The following NPL variants were observed in gnomAD, a reference collection of about 807,000 sequenced individuals.
NPL encodes the protein N-acetylneuraminate pyruvate lyase.
In NPL, 32 loss-of-function variants were observed where a neutral mutation model predicts 41.1. That is an observed-to-expected ratio of 0.78 (90% CI 0.59 to 1.05). The LOEUF (loss-of-function observed/expected upper bound fraction) is 1.05. NPL is among the 50% of genes least tolerant of loss of function. The pLI is 0.00. For synonymous variants in NPL, 128 were observed against 134.9 expected, an observed-to-expected ratio of 0.95 and a Z score of 0.35; for missense variants, 321 against 378.4, an observed-to-expected ratio of 0.85 and a Z score of 1.26.
intron 5 of NPL, among the ~76,000 whole-genome samples, chr1:182,808,902 G>A (rs937444997): frequency 6.7e-6 from 1 of 150,140 alleles, no homozygotes; most frequent in African/African-American, 2.5e-5. Flanking sequence ...AGAGGTTGCA[G>A]TGAGCCAAAA....
At chr1:182,826,182 A>T (rs1667626027) in intron 12 of NPL, 3 of 309,486 alleles carry the variant, frequency 9.7e-6, no homozygotes, top group Non-Finnish European at 1.8e-5. Flanking sequence ...GATTTTACTA[A>T]ATTGTGAATG....
intron 3 of NPL, among the ~76,000 whole-genome samples, chr1:182,799,656 G>A (rs1479799136): frequency 6.6e-6 from 1 of 150,686 alleles, no homozygotes; most frequent in South Asian, 2.1e-4. Flanking sequence ...CCAGTTACTT[G>A]GGAGGCTGAA....
At chr1:182,808,778 GACC>G (rs1667093687) in intron 5 of NPL, among the ~76,000 whole-genome samples, 1 of 151,900 alleles carries the variant, frequency 6.6e-6, no homozygotes, top group African/African-American at 2.4e-5. Flanking sequence ...AACATACAGA[GACC>G]CTGTCTCTAT....
At chr1:182,811,582 G>T (rs1338739086) in intron 5 of NPL, among the ~76,000 whole-genome samples, 1 of 152,022 alleles carries the variant, frequency 6.6e-6, no homozygotes, top group Non-Finnish European at 1.5e-5. Flanking sequence ...AGTGTTTTTT[G>T]TAAGCATGTA....
chr1:182,825,467 A>G (rs1284330472), intron 11 of NPL, among the ~76,000 whole-genome samples: 1 of 152,212 alleles, frequency 6.6e-6, no homozygotes, highest in African/African-American at 2.4e-5. Context: ...CCACTGCACT[A>G]GCTGATAAGT....
rs369230226 is a variant in NPL, at chr1:182,828,809, C to T, written c.864C>T (p.Ala288=). The change falls in exon 13 of 13, where the codon GCC becomes GCT. Residue 288 remains alanine, a synonymous_variant. Coordinates refer to ENST00000367553, the MANE Select transcript of NPL (RefSeq NM_030769.3). This position sits in a 1 kb window ranked among gnomAD's most constrained non-coding sequence, Gnocchi z 4.0. ...CACCCCGGCTTCCACTGCAGAAAGCCTCCAGGGAGTTTACTGATAGTGCTG... is the reference window on the plus strand; with the variant it reads ...CACCCCGGCTTCCACTGCAGAAAGCTTCCAGGGAGTTTACTGATAGTGCTG... ...MGPPRLPLQK[A]SREFTDSAEA... 1.2e-6 allele frequency: 2 copies of T among 1,614,218 alleles called. No individual in the cohort carries two copies. Among genetic ancestry groups the T allele is most frequent in the Non-Finnish European group, 1.7e-6 (2 of 1,180,036 alleles).
chr1:182,797,150 G>A (rs1191364990), intron 3 of NPL, among the ~76,000 whole-genome samples: 2 of 151,468 alleles, frequency 1.3e-5, no homozygotes, highest in African/African-American at 4.9e-5. Context: ...TGGGGATATT[G>A]TGGGGATCAC....
intron 12 of NPL, among the ~76,000 whole-genome samples, chr1:182,827,647 A>G (rs758276422): frequency 6.6e-6 from 1 of 151,562 alleles, no homozygotes; most frequent in African/African-American, 2.4e-5. Context: ...TTGTTGTTTT[A>G]TACTCTACTG....
chr1:182,808,758 C>G (rs1418127643), intron 5 of NPL, among the ~76,000 whole-genome samples: 1 of 151,930 alleles, frequency 6.6e-6, no homozygotes, highest in East Asian at 1.9e-4. Context: ...AGATCAGGAC[C>G]AGCCTGGACA....
intron 6 of NPL, among the ~76,000 whole-genome samples, chr1:182,814,095 G>C (rs1157402998): frequency 6.6e-6 from 1 of 152,206 alleles, no homozygotes; most frequent in Non-Finnish European, 1.5e-5. Context: ...CTGGTTCCTT[G>C]CTATGTGCCC....
intron 11 of NPL, among the ~76,000 whole-genome samples, chr1:182,822,566 A>G (rs567163207): frequency 6.6e-6 from 1 of 152,348 alleles, no homozygotes; most frequent in African/African-American, 2.4e-5. Context: ...ACAGAATATG[A>G]GGAAGCTATG....
intron 5 of NPL, among the ~76,000 whole-genome samples, chr1:182,808,289 C>T (rs12074307): frequency 0.082 from 12,432 of 152,190 alleles, 1,363 homozygotes; most frequent in African/African-American, 0.25. Context: ...TTCATTATAA[C>T]GTTTGTTATA....
intron 11 of NPL, among the ~76,000 whole-genome samples, chr1:182,823,513 T>C (rs1667545420): frequency 6.6e-6 from 1 of 152,108 alleles, no homozygotes; most frequent in African/African-American, 2.4e-5. Flanking sequence ...AGGAACAGGG[T>C]AGGGATCTAG....
chr1:182,798,620 G>A (rs536800579), intron 3 of NPL, among the ~76,000 whole-genome samples: 2 of 152,314 alleles, frequency 1.3e-5, no homozygotes, highest in East Asian at 3.9e-4. Context: ...GATCTAAAAT[G>A]TCGAGAAAAA....
intron 12 of NPL, chr1:182,827,018 A>G (rs1667648615): frequency 6.6e-6 from 1 of 152,250 alleles, no homozygotes; most frequent in South Asian, 2.1e-4. Flanking sequence ...TTATATAACT[A>G]TGGTCAGTCT....
chr1:182,808,698 T>C (rs2102546756), intron 5 of NPL, among the ~76,000 whole-genome samples: 1 of 152,266 alleles, frequency 6.6e-6, no homozygotes, highest in African/African-American at 2.4e-5. Context: ...CTCATGCCTG[T>C]AATCCCAGTA....
At chr1:182,792,498 T>G (rs1273028639) in intron 2 of NPL, among the ~76,000 whole-genome samples, 1 of 152,174 alleles carries the variant, frequency 6.6e-6, no homozygotes, top group Non-Finnish European at 1.5e-5. Flanking sequence ...ATGGCTTAGG[T>G]TATGGGCCTT....
At chr1:182,807,690 C>T (rs529255564) in intron 5 of NPL, among the ~76,000 whole-genome samples, 50 of 125,966 alleles carry the variant, frequency 4.0e-4, no homozygotes, top group Non-Finnish European at 6.6e-4. Flanking sequence ...TCCTGGCTAA[C>T]AGGATGAAAC....
At chr1:182,810,962 A>G (rs1667161240) in intron 5 of NPL, among the ~76,000 whole-genome samples, 1 of 152,194 alleles carries the variant, frequency 6.6e-6, no homozygotes, top group Admixed American at 6.6e-5. Context: ...ACTCTGGGAT[A>G]TAAGTTCTTA....
Sources: allele counts gnomAD v4.1 joint callset (sites outside exome capture counted in the v4.1 genomes callset), GRCh38; gene constraint gnomAD v4.1.1; non-coding constraint Gnocchi (gnomAD v3.1); transcripts MANE v1.5; gene names NCBI Gene and HGNC (gene_info 2026-07-23, HGNC 2026-07-21).